Variants in PYGO1 observed in about 807,000 individuals in gnomAD.
PYGO1 encodes the protein pygopus homolog 1.
Under a neutral mutation model 29.5 loss-of-function variants are expected in PYGO1, and 6 were observed. The ratio of observed to expected loss-of-function variants is 0.20; its 90% CI spans 0.11 to 0.40. The LOEUF (loss-of-function observed/expected upper bound fraction) is 0.40. Among genes scored for constraint, PYGO1 ranks in the 10% least tolerant of loss-of-function variants. The pLI is 1.00. For synonymous variants in PYGO1, 186 were observed against 180.5 expected (o/e 1.03, Z -0.24); for missense variants, 515 against 514.9 (o/e 1.00, Z 0.00).
At chr15:55,557,341 G>T (rs1316695956) in intron 1 of PYGO1, among the ~76,000 whole-genome samples, 1 of 152,172 alleles carries the variant, frequency 6.6e-6, no homozygotes, top group Middle Eastern at 3.2e-3. Flanking sequence ...TGAAATTGAG[G>T]CAATAATTAA....
intron 1 of PYGO1, among the ~76,000 whole-genome samples, chr15:55,570,551 C>G (rs1219265814): frequency 1.3e-5 from 2 of 150,936 alleles, no homozygotes; most frequent in African/African-American, 4.9e-5. Flanking sequence ...CATATTTAAA[C>G]TGTAAATACT....
intron 1 of PYGO1, among the ~76,000 whole-genome samples, chr15:55,587,386 GA>G (rs2059052010): frequency 6.7e-6 from 1 of 149,076 alleles, no homozygotes. Context: ...GGGGGGGCGA[GA>G]AGGGGGCCAG....
At chr15:55,575,182 T>C (rs1281857874) in intron 1 of PYGO1, among the ~76,000 whole-genome samples, 1 of 152,184 alleles carries the variant, frequency 6.6e-6, no homozygotes, top group Non-Finnish European at 1.5e-5. Context: ...CAAACTTCAG[T>C]ATGCATAAAG....
rs2058828170 is a variant in PYGO1 at position 55,541,574 on chromosome 15, C to T, written c.*4449G>A. The stretch of plus-strand genomic sequence containing the variant: ...AAAAAAGAAATTTAATGACACTTTT[C>T]CCACTATCTTCATTCATACCTTAGT... On this transcript the variant is annotated 3_prime_UTR_variant, in exon 3 of 3. Transcript: ENST00000563719. 1 of 152,160 alleles carries T rather than the reference C, an allele frequency of 6.6e-6. No individual in the cohort carries two copies. Among genetic ancestry groups the T allele is most frequent in the Non-Finnish European group, 1.5e-5 (1 of 68,006 alleles). The allele number at this position is 152,160 out of a possible 1,614,324, so 9.4% of individuals were successfully genotyped here. A position where few individuals can be genotyped will look rare whatever the true frequency, so the allele number is the denominator to read the frequency against.
intron 1 of PYGO1, among the ~76,000 whole-genome samples, chr15:55,570,227 C>T (rs1275937812): frequency 6.6e-6 from 1 of 152,146 alleles, no homozygotes; most frequent in African/African-American, 2.4e-5. Context: ...CCATTGGATA[C>T]TCATTTTCCT....
chr15:55,582,265 C>T (rs1025768429), intron 1 of PYGO1, among the ~76,000 whole-genome samples: 5 of 149,826 alleles, frequency 3.3e-5, no homozygotes, highest in Non-Finnish European at 7.4e-5. Context: ...GACAGTGTTG[C>T]GTGGGAGTAG....
intron 1 of PYGO1, among the ~76,000 whole-genome samples, chr15:55,564,853 T>C (rs2058948330): frequency 6.6e-6 from 1 of 152,204 alleles, no homozygotes; most frequent in Non-Finnish European, 1.5e-5. Context: ...GTTCTTGTCT[T>C]GAGGCTCTGA....
rs1002899100 is a variant in PYGO1, at chr15:55,588,008, G to C, written c.-125C>G. On this transcript the variant is annotated 5_prime_UTR_variant, in exon 1 of 3. Transcript: ENST00000563719. ...GAGGCAAGCCTCGGAGCCGAGGCAC[G>C]GCCGAGGGCGGTGGGGACGCGGGCC... 3.8e-6 allele frequency: 5 copies of C among 1,322,592 alleles called. No individual in the cohort carries two copies. The highest frequency in any genetic ancestry group is 6.4e-5 in the Admixed American group (2 of 31,192). The allele number at this position is 1,322,592 out of a possible 1,614,324, so 81.9% of individuals were successfully genotyped here.
At position 55,554,468 on chromosome 15, in the gene PYGO1, CAAAA is replaced by C. The variant is rs56216226; in HGVS notation, c.50-5477_50-5474del. On this transcript the variant is annotated intron_variant, in intron 1 of 2. Coordinates refer to ENST00000563719, the MANE Select transcript of PYGO1 (RefSeq NM_001367806.1). ...TGGGTGACAGAGCAAGACTCTGTCTCAAAAAAAAAAAAAAAAAAAAAAAAAGAAA... is the reference window on the plus strand; with the variant it reads ...TGGGTGACAGAGCAAGACTCTGTCTCAAAAAAAAAAAAAAAAAAAAAGAAA... Among the ~76,000 whole-genome samples, 11 of 122,918 alleles carry C rather than the reference CAAAA, an allele frequency of 8.9e-5. No individual in the cohort carries two copies. In the East Asian group the frequency reaches 3.2e-3, roughly 36 times the overall value. 80.6% of individuals were successfully genotyped at this position (122,918 alleles called of 152,430 possible). A position where few individuals can be genotyped will look rare whatever the true frequency, so the allele number is the denominator to read the frequency against.
intron 1 of PYGO1, among the ~76,000 whole-genome samples, chr15:55,586,816 C>T (rs1207128839): frequency 6.6e-6 from 1 of 152,222 alleles, no homozygotes; most frequent in Non-Finnish European, 1.5e-5. Context: ...ACAATCCATA[C>T]TTCCCATCCC....
intron 1 of PYGO1, among the ~76,000 whole-genome samples, chr15:55,559,350 G>T (rs1486124559): frequency 6.6e-6 from 1 of 152,006 alleles, no homozygotes; most frequent in Admixed American, 6.6e-5. Flanking sequence ...GAGAGGATGT[G>T]GAGAAATAGG....
At position 55,577,635 on chromosome 15, in the gene PYGO1, A is replaced by G. The variant is rs544991759; in HGVS notation, c.49+10200T>C. 9.2e-5 allele frequency among the ~76,000 whole-genome samples: 14 copies of G among 152,110 alleles called. No homozygotes were observed. In the East Asian group the frequency reaches 2.5e-3, roughly 27 times the overall value. On this transcript the variant is annotated intron_variant, in intron 1 of 2. Transcript: ENST00000563719. ...TTTTGTTTTAAGTGTATAGTCGGTG[A>G]TTTTTATTCACCTGGTTATATAACC...
intron 1 of PYGO1, among the ~76,000 whole-genome samples, chr15:55,574,185 A>C (rs1331108490): frequency 2.0e-5 from 3 of 152,214 alleles, no homozygotes; most frequent in Admixed American, 6.5e-5. Context: ...TGTGATGTGC[A>C]ATTTATTGGA....
rs138439905 is a variant in PYGO1 at position 55,568,111 on chromosome 15, A to C, written c.50-19116T>G. Among the ~76,000 whole-genome samples the C allele has an allele frequency of 1.7e-4, 26 of 152,290 alleles. No homozygotes were observed. In the East Asian group the frequency reaches 3.1e-3, roughly 18 times the overall value. Reference sequence around the variant, plus strand: ...AACACAGTTTTTTCCAATTCTGTGAAAAATTCCATTGTAGTTTGATAGAAA... The same window carrying C: ...AACACAGTTTTTTCCAATTCTGTGACAAATTCCATTGTAGTTTGATAGAAA... On this transcript the variant is annotated intron_variant, in intron 1 of 2. Coordinates refer to ENST00000563719, the MANE Select transcript of PYGO1 (RefSeq NM_001367806.1).
intron 1 of PYGO1, among the ~76,000 whole-genome samples, chr15:55,585,388 C>T (rs1427354090): frequency 6.6e-6 from 1 of 152,110 alleles, no homozygotes; most frequent in Non-Finnish European, 1.5e-5. Context: ...ATCCTGCATG[C>T]AGTCTGATGA....
intron 1 of PYGO1, among the ~76,000 whole-genome samples, chr15:55,577,013 A>T (rs947320890): frequency 2.1e-4 from 32 of 151,758 alleles, no homozygotes; most frequent in Non-Finnish European, 4.3e-4. Context: ...AGATAAAAAA[A>T]AAAACTACAT....
At chr15:55,556,183 C>G (rs565638276) in intron 1 of PYGO1, among the ~76,000 whole-genome samples, 1 of 152,210 alleles carries the variant, frequency 6.6e-6, no homozygotes, top group East Asian at 1.9e-4. Context: ...AATTTTCCAC[C>G]CAAAAACAAC....
intron 1 of PYGO1, among the ~76,000 whole-genome samples, chr15:55,557,286 A>T (rs1216165339): frequency 6.6e-6 from 1 of 152,196 alleles, no homozygotes; most frequent in Admixed American, 6.5e-5. Flanking sequence ...TCCCAAGACT[A>T]AACCAGGAAG....
At chr15:55,549,139 CAA>C (rs1406152326) in intron 1 of PYGO1, 144 bp from the exon 2 acceptor site, 5 of 554,166 alleles carry the variant, frequency 9.0e-6, no homozygotes, top group African/African-American at 7.8e-5. Context: ...TTATCTGTTT[CAA>C]AAAAGTCTTT....
Sources: gnomAD v4.1 joint callset for allele counts (sites outside exome capture counted in the v4.1 genomes callset) on GRCh38, gnomAD v4.1.1 for gene constraint, MANE v1.5 for transcripts, NCBI Gene and HGNC (gene_info 2026-07-23, HGNC 2026-07-21) for gene names.